PAH: variants seen among roughly 807,000 people sequenced by gnomAD.
PAH encodes the protein phenylalanine-4-hydroxylase.
Under a neutral mutation model 62.0 loss-of-function variants are expected in PAH, and 64 were observed. That is an observed-to-expected ratio of 1.03 (90% CI 0.84 to 1.27). PAH has a LOEUF of 1.27. Among genes scored for constraint, PAH ranks in the 50% most tolerant of loss-of-function variants. The pLI is 0.00. For synonymous variants in PAH, 195 were observed against 196.2 expected (o/e 0.99, Z 0.05); for missense variants, 579 against 542.8 (o/e 1.07, Z -0.66).
Position 102,840,400 on chromosome 12 carries a change from T to C in PAH, c.1315A>G (p.Ser439Gly), listed in dbSNP as rs989098970. The C allele has an allele frequency of 3.1e-6, 5 of 1,597,658 alleles. No homozygotes were observed. Among genetic ancestry groups the C allele is most frequent in the Admixed American group, 1.7e-5 (1 of 59,964 alleles). The change falls in exon 12 of 13, where the codon AGT (serine) becomes GGT (glycine). Residue 439 changes from serine (S) to glycine (G), a missense_variant and splice_region_variant. By Grantham distance (56) the Ser-to-Gly change is moderately conservative. Coordinates refer to ENST00000553106, the MANE Select transcript of PAH (RefSeq NM_000277.3). ...QLKILADSIN[S>G]EIGILCSALQ... ...GCCTCGTAAGGTGTAAATTACTTAC[T>C]GTTAATGGAATCAGCCAAAATCTTA...
At chr12:102,858,204 C>A (rs370102478) in intron 5 of PAH, among the ~76,000 whole-genome samples, 5 of 152,018 alleles carry the variant, frequency 3.3e-5, no homozygotes, top group Middle Eastern at 3.2e-3. Flanking sequence ...GACTTTAAAC[C>A]AACAATGATA....
At chr12:102,897,831 A>G (rs566694198) in intron 2 of PAH, among the ~76,000 whole-genome samples, 1 of 152,286 alleles carries the variant, frequency 6.6e-6, no homozygotes, top group South Asian at 2.1e-4. Flanking sequence ...ATTTGTCCAA[A>G]TGCATCCTCT....
intron 6 of PAH, 104 bp downstream of exon 6, chr12:102,855,032 A>C: frequency 1.1e-6 from 1 of 926,646 alleles, no homozygotes; most frequent in Non-Finnish European, 1.8e-6. Context: ...CTACAAGCAC[A>C]TGCTTTCATA....
chr12:102,859,994 G>A (rs1420257657), intron 5 of PAH, among the ~76,000 whole-genome samples: 2 of 152,116 alleles, frequency 1.3e-5, no homozygotes, highest in East Asian at 3.8e-4. Context: ...TCGGGCAGCA[G>A]AAAGAAATAA....
At chr12:102,940,130 A>G (rs373390753) in intron 1 of PAH, among the ~76,000 whole-genome samples, 96 of 152,370 alleles carry the variant, frequency 6.3e-4, no homozygotes, top group African/African-American at 2.1e-3. Context: ...ACAAAGACAG[A>G]CCCTGCACAA....
At chr12:102,895,247 T>A (rs749380991) in intron 2 of PAH, among the ~76,000 whole-genome samples, 6 of 152,120 alleles carry the variant, frequency 3.9e-5, no homozygotes, top group Non-Finnish European at 7.4e-5. Context: ...AATATTTACA[T>A]AGGAAACACC....
intron 1 of PAH, chr12:102,913,955 G>T: frequency 3.0e-6 from 2 of 672,520 alleles, no homozygotes; most frequent in South Asian, 3.2e-5. Context: ...AAAATTTGCA[G>T]AACAATTACT....
intron 2 of PAH, among the ~76,000 whole-genome samples, chr12:102,896,197 T>C (rs952066840): frequency 6.6e-6 from 1 of 152,030 alleles, no homozygotes; most frequent in Non-Finnish European, 1.5e-5. Context: ...TGGGGCCTCA[T>C]TGGGATGGCA....
intron 5 of PAH, among the ~76,000 whole-genome samples, chr12:102,855,992 TTTATATACAATTATATAA>T (rs932730765): frequency 8.1e-5 from 12 of 147,328 alleles, no homozygotes; most frequent in African/African-American, 2.4e-4. Context: ...TACACCATAT[TTTATATACAATTATATAA>T]TTATATACAA....
chr12:102,844,383 T>G lies in PAH; in HGVS notation c.1018A>C (p.Ile340Leu). The G allele has an allele frequency of 6.2e-7, 1 of 1,613,998 alleles. No individual in the cohort carries two copies. The highest frequency in any genetic ancestry group is 8.5e-7 in the Non-Finnish European group (1 of 1,179,896). ...AGGAGCCCAGCACCATATGCCTTTA[T>G]GGAGTCTCCTTGTTTGCAGAGCCCA... ...EFGLCKQGDSIKAYGAGLLSS... is the reference protein window; with the variant it reads ...EFGLCKQGDSLKAYGAGLLSS... The change falls in exon 10 of 13, where the codon ATA (isoleucine) becomes CTA (leucine). Residue 340 changes from isoleucine (I) to leucine (L), a missense_variant. Ile to Leu is a conservative substitution (Grantham distance 5). Transcript: ENST00000553106.
rs924813077 is a variant in PAH, at chr12:102,838,508, A to T, written c.*667T>A. The T allele has an allele frequency of 3.9e-5, 6 of 152,230 alleles. No homozygotes were observed. Among genetic ancestry groups the T allele is most frequent in the African/African-American group, 1.4e-4 (6 of 41,446 alleles). 9.4% of individuals were successfully genotyped at this position (152,230 alleles called of 1,614,324 possible). On this transcript the variant is annotated 3_prime_UTR_variant, in exon 13 of 13. Coordinates refer to ENST00000553106, the MANE Select transcript of PAH (RefSeq NM_000277.3). Reference sequence around the variant, plus strand: ...AAGTGTTTCCCAAAACAGACTTGATAATTAATTGGAAAATGATACTGGAAG... The same window carrying T: ...AAGTGTTTCCCAAAACAGACTTGATTATTAATTGGAAAATGATACTGGAAG...
In PAH at chr12:102,929,941, C is replaced by G. The variant is rs141407555; in HGVS notation, c.-95-12716G>C. 7.4e-4 allele frequency among the ~76,000 whole-genome samples: 112 copies of G among 152,198 alleles called. 2 individuals are homozygous for G. The Middle Eastern group carries it at 0.014, about 18-fold the overall frequency. ...GATCTATTGAGTTGTGCTCTTCAGTCTAATCATTGAGAAGATATCTCTGGA... is the reference window on the plus strand; with the variant it reads ...GATCTATTGAGTTGTGCTCTTCAGTGTAATCATTGAGAAGATATCTCTGGA... On this transcript the variant is annotated intron_variant, in intron 1 of 3. Transcript: ENST00000546844.
At chr12:102,862,851 A>G (rs940378629) in intron 5 of PAH, among the ~76,000 whole-genome samples, 1 of 152,148 alleles carries the variant, frequency 6.6e-6, no homozygotes, top group African/African-American at 2.4e-5. Context: ...TCTACAGACG[A>G]GTGACAGGGA....
chr12:102,949,836 G>A (rs929761758), intron 1 of PAH, among the ~76,000 whole-genome samples: 2 of 152,054 alleles, frequency 1.3e-5, no homozygotes, highest in Non-Finnish European at 2.9e-5. Flanking sequence ...CTCCATGGTT[G>A]CCCCCACCGC....
chr12:102,913,576 T>A (rs960571403), intron 1 of PAH, among the ~76,000 whole-genome samples: 1 of 152,126 alleles, frequency 6.6e-6, no homozygotes, highest in African/African-American at 2.4e-5. Flanking sequence ...AAAAAGAATA[T>A]TGAGAAGTAT....
chr12:102,866,599 C>T lies in PAH; in HGVS notation c.506G>A (p.Arg169His), dbSNP rs199475679. ...TCAACAAGCAAGGCAGACTTACTGG[C>T]GGTAGTTGTAGGCAATGTCAGCAAA... Reference protein sequence around the residue: ...KQFADIAYNYRHGQPIPRVEY... With the variant: ...KQFADIAYNYHHGQPIPRVEY... Residue 169 changes from arginine to histidine, a missense_variant, in exon 5 of 13, where the codon CGC (arginine) becomes CAC (histidine). Coordinates refer to ENST00000553106, the MANE Select transcript of PAH (RefSeq NM_000277.3). 324 of 1,612,298 alleles carry T rather than the reference C, an allele frequency of 2.0e-4. 1 individual carries two copies. Among genetic ancestry groups the T allele is most frequent in the Middle Eastern group, 8.2e-4 (5 of 6,080 alleles).
chr12:102,910,399 C>A (rs1390595661), intron 2 of PAH, among the ~76,000 whole-genome samples: 2 of 145,310 alleles, frequency 1.4e-5, no homozygotes, highest in African/African-American at 2.6e-5. Context: ...GGGAGGGAGT[C>A]TTGCTCTGTC....
chr12:102,913,967 T>C (rs571078566), intron 1 of PAH: 1 of 652,926 alleles, frequency 1.5e-6, no homozygotes, highest in Admixed American at 2.4e-5. Flanking sequence ...ACAATTACTC[T>C]CTTGTAAGCA....
chr12:102,897,223 T>C (rs1196630062), intron 2 of PAH, among the ~76,000 whole-genome samples: 1 of 152,110 alleles, frequency 6.6e-6, no homozygotes, highest in Non-Finnish European at 1.5e-5. Flanking sequence ...GTTTCTCACC[T>C]GTACCACCTT....
Sources: allele counts gnomAD v4.1 joint callset (sites outside exome capture counted in the v4.1 genomes callset), GRCh38; gene constraint gnomAD v4.1.1; transcripts MANE v1.5; gene names NCBI Gene and HGNC (gene_info 2026-07-23, HGNC 2026-07-21).